ZNF184: variants seen among roughly 807,000 people sequenced by gnomAD.
The protein encoded by ZNF184 is zinc finger protein 184.
In ZNF184, 16 loss-of-function variants were observed where a neutral mutation model predicts 54.4. The observed-to-expected ratio is 0.29, with a 90% CI of 0.20 to 0.45. The LOEUF (loss-of-function observed/expected upper bound fraction) is 0.45. Ranked by LOEUF, ZNF184 falls within the 20% of genes least tolerant of loss-of-function variation. The pLI, the probability that ZNF184 is intolerant of heterozygous loss-of-function variation, is 1.00. For missense variants in ZNF184, 681 were observed against 888.2 expected (o/e 0.77, Z 2.97); for synonymous variants, 254 against 295.3 (o/e 0.86, Z 1.43).
chr6:27,433,863 CCT>C, the ZNF184 span, among the ~76,000 whole-genome samples: 1 of 148,864 alleles, frequency 6.7e-6, no homozygotes, highest in African/African-American at 2.5e-5. Flanking sequence ...TTCCTTCTTT[CCT>C]CTTTCTTCCT....
chr6:27,452,351 G>T lies in ZNF184; in HGVS notation c.1208C>A (p.Ser403Ter), dbSNP rs1288340393. Residue 403 changes from serine (S) to a stop codon, truncating the protein, a stop_gained, in exon 6 of 6, where the codon TCA becomes TAA. Transcript: ENST00000683788. LOFTEE classifies it high-confidence loss of function. The surrounding 1 kb of genome is among the most constrained non-coding windows in gnomAD (Gnocchi z 5.5). The stretch of plus-strand genomic sequence containing the variant: ...AATCATATGATGACGGATAAAAGTT[G>T]AGGGCCCGTTGAAGGCCTTTCCACA... ...NECGKAFNGP[S>*]TFIRHHMIHT... The T allele has an allele frequency of 1.2e-6, 2 of 1,614,046 alleles. No homozygotes were observed. Among genetic ancestry groups the T allele is most frequent in the Admixed American group, 3.3e-5 (2 of 60,002 alleles).
the ZNF184 span, among the ~76,000 whole-genome samples, chr6:27,437,935 T>C: frequency 6.6e-6 from 1 of 152,184 alleles, no homozygotes; most frequent in African/African-American, 2.4e-5. Flanking sequence ...GGTAGTTAGG[T>C]CAAATCCACT....
the ZNF184 span, among the ~76,000 whole-genome samples, chr6:27,421,197 A>G: frequency 6.6e-6 from 1 of 152,358 alleles, no homozygotes. Flanking sequence ...AATCTGCAGA[A>G]TGTACATCAA....
At chr6:27,435,008 A>G in the ZNF184 span, among the ~76,000 whole-genome samples, 3 of 152,094 alleles carry the variant, frequency 2.0e-5, no homozygotes, top group African/African-American at 7.2e-5. Context: ...AGTCTCTTCC[A>G]TTGGTCTATA....
chr6:27,449,710 T>G (rs1355003699), downstream of ZNF184, among the ~76,000 whole-genome samples: 16 of 152,052 alleles, frequency 1.1e-4, no homozygotes. Context: ...ATAATCATGC[T>G]ACTGCACTCC....
rs1581591545 is a variant in ZNF184, at chr6:27,470,563, A to G, written c.7+1725T>C. Among the ~76,000 whole-genome samples, 3 of 152,328 alleles carry G rather than the reference A, an allele frequency of 2.0e-5. No homozygotes were observed. In the East Asian group the frequency reaches 5.8e-4, roughly 29 times the overall value. ...GAAGTCTTAAGAAAAAAATGAAGAT[A>G]TTATCTTGGAAGCTCTTAACAGTGA... On this transcript the variant is annotated intron_variant, in intron 2 of 5. Coordinates refer to ENST00000683788, the MANE Select transcript of ZNF184 (RefSeq NM_001318891.2).
the ZNF184 span, among the ~76,000 whole-genome samples, chr6:27,426,128 A>G: frequency 6.6e-6 from 1 of 152,178 alleles, no homozygotes; most frequent in Non-Finnish European, 1.5e-5. This position sits in a 1 kb window ranked among gnomAD's most constrained non-coding sequence, Gnocchi z 4.2. Flanking sequence ...TCCCTCATAC[A>G]TACATCTAGC....
intron 5 of ZNF184, among the ~76,000 whole-genome samples, chr6:27,456,547 G>C (rs1762857511): frequency 6.6e-6 from 1 of 152,174 alleles, no homozygotes; most frequent in Admixed American, 6.5e-5. Flanking sequence ...CCTAAAGGAA[G>C]TAGAAAGAGA....
chr6:27,442,423 C>A, the ZNF184 span, among the ~76,000 whole-genome samples: 1 of 152,056 alleles, frequency 6.6e-6, no homozygotes, highest in East Asian at 1.9e-4. Context: ...AGTTCCAGAC[C>A]AGCCTGGGAA....
rs781168133 is a variant in ZNF184, at chr6:27,451,484, T to C, written c.2075A>G (p.His692Arg). 6.2e-7 allele frequency: 1 copy of C among 1,614,184 alleles called. No individual in the cohort carries two copies. The highest frequency in any genetic ancestry group is 8.5e-7 in the Non-Finnish European group (1 of 1,180,008). The change falls in exon 6 of 6, where the codon CAT becomes CGT. Residue 692 changes from histidine (H) to arginine (R), a missense_variant. His to Arg is a conservative substitution (Grantham distance 29). Coordinates refer to ENST00000683788, the MANE Select transcript of ZNF184 (RefSeq NM_001318891.2). ...ACAGTTATAAGGTTTCTCTCCAGTA[T>C]GAGTATTCTGATGTTCAGTCAGATG... Reference protein sequence around the residue: ...STHLTEHQNTHTGEKPYNCNE... With the variant: ...STHLTEHQNTRTGEKPYNCNE...
At chr6:27,406,143 A>G in the ZNF184 span, 3 of 152,270 alleles carry the variant, frequency 2.0e-5, no homozygotes, top group Middle Eastern at 3.2e-3. Flanking sequence ...TCGCCCTCCC[A>G]TGAAGGCAAA....
At chr6:27,443,685 C>T in the ZNF184 span, among the ~76,000 whole-genome samples, 1 of 152,096 alleles carries the variant, frequency 6.6e-6, no homozygotes, top group African/African-American at 2.4e-5. Flanking sequence ...AACTTACTCT[C>T]CTCCCTTTAA....
chr6:27,422,259 A>G, the ZNF184 span, among the ~76,000 whole-genome samples: 1 of 150,794 alleles, frequency 6.6e-6, no homozygotes, highest in Admixed American at 6.6e-5. Flanking sequence ...CATACAGCAG[A>G]GTCTAACGAC....
the ZNF184 span, among the ~76,000 whole-genome samples, chr6:27,419,914 C>T: frequency 6.6e-6 from 1 of 152,220 alleles, no homozygotes; most frequent in African/African-American, 2.4e-5. This position sits in a 1 kb window ranked among gnomAD's most constrained non-coding sequence, Gnocchi z 4.8. Context: ...GATTGTGTCA[C>T]TTCTTTGTCC....
the ZNF184 span, among the ~76,000 whole-genome samples, chr6:27,416,273 A>G: frequency 6.6e-6 from 1 of 152,246 alleles, no homozygotes; most frequent in Non-Finnish European, 1.5e-5. Context: ...CTATCGTGAG[A>G]GAATTTTGAG....
chr6:27,462,124 C>T (rs1354563253), intron 3 of ZNF184, among the ~76,000 whole-genome samples: 2 of 152,122 alleles, frequency 1.3e-5, no homozygotes, highest in African/African-American at 2.4e-5. Context: ...GTTCTGGGCC[C>T]ACTTAACAAA....
chr6:27,460,033 G>T (rs914561911), intron 3 of ZNF184, among the ~76,000 whole-genome samples: 4 of 152,106 alleles, frequency 2.6e-5, no homozygotes, highest in Admixed American at 2.6e-4. Flanking sequence ...TGGGCGTGGT[G>T]GCACGCACCT....
chr6:27,437,488 C>G, the ZNF184 span, among the ~76,000 whole-genome samples: 1 of 152,168 alleles, frequency 6.6e-6, no homozygotes, highest in East Asian at 1.9e-4. Context: ...GATTCTTCTA[C>G]AGATCCTTTA....
chr6:27,469,625 A>G (rs1276899946), intron 2 of ZNF184, among the ~76,000 whole-genome samples: 1 of 147,328 alleles, frequency 6.8e-6, no homozygotes, highest in African/African-American at 2.5e-5. Context: ...TGGGCGACAG[A>G]GCAAGACAGT....
Sources: allele counts gnomAD v4.1 joint callset (sites outside exome capture counted in the v4.1 genomes callset), GRCh38; gene constraint gnomAD v4.1.1; non-coding constraint Gnocchi (gnomAD v3.1); transcripts MANE v1.5; gene names NCBI Gene and HGNC (gene_info 2026-07-23, HGNC 2026-07-21).